ADPRHL1: variants seen among roughly 807,000 people sequenced by gnomAD.
ADPRHL1 encodes the protein ADP-ribosylhydrolase like 1.
Under a neutral mutation model 44.1 loss-of-function variants are expected in ADPRHL1, and 43 were observed. That is an observed-to-expected ratio of 0.98 (90% CI 0.76 to 1.26). The LOEUF (loss-of-function observed/expected upper bound fraction) is 1.26, where lower values mean the gene tolerates loss of function less well. ADPRHL1 is among the 50% of genes most tolerant of loss of function. The probability of loss-of-function intolerance (pLI) is 0.00; values close to 1 mark genes in which losing one functional copy is unlikely to be tolerated. For synonymous variants in ADPRHL1, 878 were observed against 1,017.4 expected (o/e 0.86, Z 2.61); for missense variants, 2,022 against 2,496.9 (o/e 0.81, Z 4.05).
chr13:113,430,981 C>T (rs1300877140), intron 3 of ADPRHL1, among the ~76,000 whole-genome samples: 1 of 152,214 alleles, frequency 6.6e-6, no homozygotes, highest in Non-Finnish European at 1.5e-5. Flanking sequence ...ATGGTGATCA[C>T]CCCTCTTGTG....
At chr13:113,415,425 A>AG in intron 7 of ADPRHL1, among the ~76,000 whole-genome samples, 1 of 152,274 alleles carries the variant, frequency 6.6e-6, no homozygotes, top group East Asian at 1.9e-4. Context: ...GGCCGGCTCC[A>AG]GGCGACCAGG....
At chr13:113,431,545 G>A (rs879468963) in intron 3 of ADPRHL1, among the ~76,000 whole-genome samples, 30 of 152,376 alleles carry the variant, frequency 2.0e-4, no homozygotes, top group Admixed American at 1.3e-3. Flanking sequence ...ATGGGAGCAC[G>A]CGATGCAGGC....
At position 113,404,009 on chromosome 13, in the gene ADPRHL1, A is replaced by C. The variant is rs2043784704; in HGVS notation, c.5273T>G (p.Ile1758Arg). 2.3e-6 allele frequency: 3 copies of C among 1,295,758 alleles called. No individual in the cohort carries two copies. The East Asian group carries it at 9.8e-5, about 42-fold the overall frequency. 80.3% of individuals were successfully genotyped at this position (1,295,758 alleles called of 1,614,324 possible). The change falls in exon 8 of 8, where the codon ATA (isoleucine) becomes AGA (arginine). Residue 1758 changes from isoleucine (I) to arginine (R), a missense_variant. Ile to Arg is a moderately conservative substitution (Grantham distance 97). Around this residue, in one of 8 missense-constraint regions of ADPRHL1, gnomAD observed 24 missense variants for 80.7 expected, o/e 0.30. Coordinates refer to ENST00000612156, the MANE Select transcript of ADPRHL1 (RefSeq NM_001394807.1). ...TTTCTGGGCCTGACCCTGAGCCTCT[A>C]TGTGGGTCTGCTCCCGACCCTGTTC... is the stretch of plus-strand genomic sequence containing the variant. ...AQEQGREQTH[I>R]EAQGQAQKGA...
At chr13:113,451,631 A>T (rs974387013) in intron 1 of ADPRHL1, among the ~76,000 whole-genome samples, 1 of 152,096 alleles carries the variant, frequency 6.6e-6, no homozygotes, top group African/African-American at 2.4e-5. Context: ...AACGTGGTGA[A>T]ACCCCGTCTC....
Position 113,407,000 on chromosome 13 carries a change from G to A in ADPRHL1, c.2282C>T (p.Ala761Val). 1 of 1,232,272 alleles carries A rather than the reference G, an allele frequency of 8.1e-7. No homozygotes were observed. Among genetic ancestry groups the A allele is most frequent in the Non-Finnish European group, 1.0e-6 (1 of 988,104 alleles). The allele number at this position is 1,232,272 out of a possible 1,614,324, so 76.3% of individuals were successfully genotyped here. A position where few individuals can be genotyped will look rare whatever the true frequency, so the allele number is the denominator to read the frequency against. The change falls in exon 8 of 8, where the codon GCC becomes GTC. Residue 761 changes from alanine (A) to valine (V), a missense_variant. Around this residue, in one of 8 missense-constraint regions of ADPRHL1, gnomAD observed 1,221 missense variants for 1,517.8 expected, o/e 0.80. Coordinates refer to ENST00000612156, the MANE Select transcript of ADPRHL1 (RefSeq NM_001394807.1). ...TAGGVQEVRG[A>V]RLTWPPGPPG... ...GGGCCCAGGAGGCCACGTGAGCCTG[G>A]CTCCCCTCACCTCCTGGACGCCTCC...
chr13:113,423,243 T>A (rs2043939896), intron 6 of ADPRHL1, among the ~76,000 whole-genome samples: 1 of 147,396 alleles, frequency 6.8e-6, no homozygotes, highest in East Asian at 2.1e-4. Context: ...AGTGACAGAG[T>A]GAGATCCTGT....
intron 3 of ADPRHL1, among the ~76,000 whole-genome samples, chr13:113,429,403 C>T (rs1205978266): frequency 6.6e-6 from 1 of 152,264 alleles, no homozygotes; most frequent in Non-Finnish European, 1.5e-5. Flanking sequence ...GTGCCTGCTC[C>T]TCGTGGGACC....
In ADPRHL1 at chr13:113,417,142, C is replaced by T. The variant is rs367763883; in HGVS notation, c.1061+5684G>A. Among the ~76,000 whole-genome samples the T allele has an allele frequency of 9.1e-4, 138 of 152,320 alleles. 5 individuals are homozygous for T. The South Asian group carries it at 0.026, about 29-fold the overall frequency. On this transcript the variant is annotated intron_variant, in intron 7 of 7. Transcript: ENST00000612156. ...GGAGAGGCGATGCTTTGCGGAACCC[C>T]GGATGCACCAGCACCCCACTGGCAG...
intron 7 of ADPRHL1, among the ~76,000 whole-genome samples, chr13:113,417,811 T>A (rs9549412): frequency 0.48 from 73,014 of 151,778 alleles, 18,245 homozygotes; most frequent in African/African-American, 0.57. Flanking sequence ...GAGGGATTTT[T>A]ACCAGGGGAG....
rs374438856 is a variant in ADPRHL1, at chr13:113,422,972, G to A, written c.915C>T (p.Ser305=). 6.2e-6 allele frequency: 10 copies of A among 1,612,692 alleles called. No homozygotes were observed. Among genetic ancestry groups the A allele is most frequent in the African/African-American group, 4.0e-5 (3 of 75,030 alleles). ...CHRAMFHGGE[S]AATGTIAGCL... ...AGCCTGCAATGGTGCCCGTGGCCGCGCTCTCCCCTGAAACGCAAAGGCAGC... is the reference window on the plus strand; with the variant it reads ...AGCCTGCAATGGTGCCCGTGGCCGCACTCTCCCCTGAAACGCAAAGGCAGC... Residue 305 remains serine, a synonymous_variant, in exon 7 of 8, where the codon AGC becomes AGT. Transcript: ENST00000612156.
rs138609269 is a variant in ADPRHL1 at position 113,444,534 on chromosome 13, G to A, written c.270C>T (p.Ile90=). 2.1e-4 allele frequency: 334 copies of A among 1,614,174 alleles called. 2 individuals are homozygous for A. In the East Asian group the frequency reaches 3.7e-3, roughly 18 times the overall value. ...GCCGGCGTTCTGGAAGCTTCTCAAC[G>A]ATTTCCACATAGCATCTCACCATCT... ...YREMVRCYVE[I]VEKLPERRPD... is the part of the protein sequence containing the mutation. The change falls in exon 2 of 8, where the codon ATC becomes ATT. Residue 90 remains isoleucine (I), a synonymous_variant. Coordinates refer to ENST00000612156, the MANE Select transcript of ADPRHL1 (RefSeq NM_001394807.1).
At chr13:113,424,180 C>T (rs781497547) in intron 6 of ADPRHL1, 37 bp downstream of exon 6, 1 of 1,610,414 alleles carries the variant, frequency 6.2e-7, no homozygotes, top group East Asian at 2.2e-5. Flanking sequence ...AAGGGTGCTA[C>T]CCTCCAGGAA....
intron 3 of ADPRHL1, among the ~76,000 whole-genome samples, chr13:113,432,913 A>G (rs2044017139): frequency 6.6e-6 from 1 of 152,124 alleles, no homozygotes; most frequent in South Asian, 2.1e-4. Flanking sequence ...AAGCCAACCG[A>G]GCCGCCTCCT....
Position 113,407,063 on chromosome 13 carries a change from C to A in ADPRHL1, c.2219G>T (p.Gly740Val). Residue 740 changes from glycine (G) to valine (V), a missense_variant, in exon 8 of 8, where the codon GGT becomes GTT. By Grantham distance (109) the Gly-to-Val change is moderately radical. Around this residue, in one of 8 missense-constraint regions of ADPRHL1, gnomAD observed 1,221 missense variants for 1,517.8 expected, o/e 0.80. Coordinates refer to ENST00000612156, the MANE Select transcript of ADPRHL1 (RefSeq NM_001394807.1). The stretch of plus-strand genomic sequence containing the variant: ...TGCGGTGGGGTCTGCAGTCCCATCA[C>A]CTCCGGCTGATCCGGTGCCCCAAGG... Reference protein sequence around the residue: ...ASPWGTGSAGGDGTADPTAES... With the variant: ...ASPWGTGSAGVDGTADPTAES... 1 of 1,232,306 alleles carries A rather than the reference C, an allele frequency of 8.1e-7. No homozygotes were observed. Among genetic ancestry groups the A allele is most frequent in the Admixed American group, 4.2e-5 (1 of 23,728 alleles). The allele number at this position is 1,232,306 out of a possible 1,614,324, so 76.3% of individuals were successfully genotyped here.
chr13:113,412,506 T>C (rs2043859863), intron 7 of ADPRHL1, among the ~76,000 whole-genome samples: 1 of 152,158 alleles, frequency 6.6e-6, no homozygotes, highest in South Asian at 2.1e-4. Flanking sequence ...AAGATCCGAG[T>C]GCACTTTTCA....
In ADPRHL1 at chr13:113,428,893, G is replaced by A. The variant is rs2043986115; in HGVS notation, c.646+59C>T. The A allele has an allele frequency of 2.5e-6, 4 of 1,599,372 alleles. No homozygotes were observed. In the South Asian group the frequency reaches 3.3e-5, roughly 13 times the overall value. ...CTTGAAGTATTTGGGGGCCCATGGAGGGGCTGGATCTGTCCAGATCTGCTC... is the reference window on the plus strand; with the variant it reads ...CTTGAAGTATTTGGGGGCCCATGGAAGGGCTGGATCTGTCCAGATCTGCTC... On this transcript the variant is annotated intron_variant, in intron 4 of 7. Coordinates refer to ENST00000612156, the MANE Select transcript of ADPRHL1 (RefSeq NM_001394807.1).
chr13:113,424,278 G>A lies in ADPRHL1; in HGVS notation c.846C>T (p.Asp282=), dbSNP rs80197449. The change falls in exon 6 of 8, where the codon GAC becomes GAT. Residue 282 remains aspartate (D), a synonymous_variant. Transcript: ENST00000612156. ...AGCTGTTTCCTGCTGCAAGGAGGGC[G>A]TCATAGGCTATCATGGGGGCATCGT... is the stretch of plus-strand genomic sequence containing the variant. ...RGHDAPMIAY[D]ALLAAGNSWT... 4,706 of 1,612,950 alleles carry A rather than the reference G, an allele frequency of 2.9e-3. 114 individuals are homozygous for A. In the African/African-American group the frequency reaches 0.055, roughly 19 times the overall value.
At position 113,408,096 on chromosome 13, in the gene ADPRHL1, C is replaced by G; in HGVS notation, c.1186G>C (p.Val396Leu). Residue 396 changes from valine (V) to leucine (L), a missense_variant, in exon 8 of 8, where the codon GTC becomes CTC. Val to Leu is a conservative substitution (Grantham distance 32). Around this residue, in one of 8 missense-constraint regions of ADPRHL1, gnomAD observed 1,221 missense variants for 1,517.8 expected, o/e 0.80. Coordinates refer to ENST00000612156, the MANE Select transcript of ADPRHL1 (RefSeq NM_001394807.1). ...GGGGGCCGGTCTGCGCGGCCCGTGA[C>G]GTAGAGCAGCAGGCTGCTGAGGATG... ...HSILSSLLLY[V>L]TGRADRPPGT... 8.1e-7 allele frequency: 1 copy of G among 1,231,992 alleles called. No individual in the cohort carries two copies. The highest frequency in any genetic ancestry group is 1.5e-5 in the African/African-American group (1 of 64,548). The allele number at this position is 1,231,992 out of a possible 1,614,324, so 76.3% of individuals were successfully genotyped here.
chr13:113,453,477 T>C lies in ADPRHL1; in HGVS notation c.-40A>G. 6.2e-7 allele frequency: 1 copy of C among 1,601,402 alleles called. No homozygotes were observed. Among genetic ancestry groups the C allele is most frequent in the East Asian group, 2.2e-5 (1 of 44,670 alleles). On this transcript the variant is annotated 5_prime_UTR_variant, in exon 1 of 8. Coordinates refer to ENST00000612156, the MANE Select transcript of ADPRHL1 (RefSeq NM_001394807.1). The surrounding 1 kb of genome is among the most constrained non-coding windows in gnomAD (Gnocchi z 5.4). Reference sequence around the variant, plus strand: ...CCTCTTCCCCAACAGCTGCGGAGCGTCCTGGCCTTTGTCTCCTCCTCAGCC... The same window carrying C: ...CCTCTTCCCCAACAGCTGCGGAGCGCCCTGGCCTTTGTCTCCTCCTCAGCC...
Sources: gnomAD v4.1 joint callset for allele counts (sites outside exome capture counted in the v4.1 genomes callset) on GRCh38, gnomAD v4.1.1 for gene constraint, gnomAD v4.1.1 regional missense constraint, Gnocchi (gnomAD v3.1) non-coding constraint, MANE v1.5 for transcripts, NCBI Gene and HGNC (gene_info 2026-07-23, HGNC 2026-07-21) for gene names.